Variants in CGAS observed in about 807,000 individuals in gnomAD.
The protein encoded by CGAS is cyclic GMP-AMP synthase, also known as 2'3'-cGAMP synthase.
A neutral mutation model predicts 34.0 loss-of-function variants in CGAS; 31 were observed. The ratio of observed to expected loss-of-function variants is 0.91; its 90% CI spans 0.69 to 1.23. The LOEUF (loss-of-function observed/expected upper bound fraction) is 1.23, where lower values mean the gene tolerates loss of function less well. CGAS is among the 50% of genes most tolerant of loss of function. CGAS has a pLI of 0.00. For missense variants in CGAS, 597 were observed against 657.6 expected, an observed-to-expected ratio of 0.91 and a Z score of 1.01; for synonymous variants, 266 against 260.0, an observed-to-expected ratio of 1.02 and a Z score of -0.22.
At position 73,452,290 on chromosome 6, in the gene CGAS, G is replaced by C; in HGVS notation, c.-109C>G. 1 of 1,299,236 alleles carries C rather than the reference G, an allele frequency of 7.7e-7. No homozygotes were observed. Among genetic ancestry groups the C allele is most frequent in the Non-Finnish European group, 1.0e-6 (1 of 990,244 alleles). 80.5% of individuals were successfully genotyped at this position (1,299,236 alleles called of 1,614,324 possible). On this transcript the variant is annotated 5_prime_UTR_variant, in exon 1 of 5. Coordinates refer to ENST00000370315, the MANE Select transcript of CGAS (RefSeq NM_138441.3). The stretch of plus-strand genomic sequence containing the variant: ...CCAAGCACTACTGGCGGGCACACAA[G>C]AGTCTGCGACCCGAAGGGGAACCCC...
rs774867546 is a variant in CGAS at position 73,452,100 on chromosome 6, T to A, written c.82A>T (p.Arg28Trp). The part of the protein sequence containing the change: ...TAPKASARNA[R>W]GAPMDPTESP... ...TCGGTGGGATCCATCGGGGCGCCCC[T>A]GGCATTCCGTGCGGAAGCCTTGGGG... is the stretch of plus-strand genomic sequence containing the variant. Residue 28 changes from arginine to tryptophan, a missense_variant, in exon 1 of 5, where the codon AGG becomes TGG. Physicochemically the swap from Arg to Trp is moderately radical, Grantham distance 101. Around this residue, in one of 3 missense-constraint regions of CGAS, gnomAD observed 321 missense variants for 314.3 expected, o/e 1.02. Transcript: ENST00000370315. 16 of 1,592,064 alleles carry A rather than the reference T, an allele frequency of 1.0e-5. No individual in the cohort carries two copies. In the African/African-American group the frequency reaches 2.0e-4, roughly 20 times the overall value.
chr6:73,435,847 T>A (rs1300603089), intron 3 of CGAS, among the ~76,000 whole-genome samples: 1 of 151,778 alleles, frequency 6.6e-6, no homozygotes. Context: ...ATTTTGTATG[T>A]ATATAAATTA....
chr6:73,445,424 C>T, intron 2 of CGAS, 104 bp downstream of exon 2: 1 of 724,034 alleles, frequency 1.4e-6, no homozygotes, highest in Non-Finnish European at 2.2e-6. Flanking sequence ...CTCTACTGCA[C>T]TTTTTCTTAC....
chr6:73,443,223 T>C (rs898039228), intron 2 of CGAS, among the ~76,000 whole-genome samples: 5 of 146,126 alleles, frequency 3.4e-5, no homozygotes, highest in Non-Finnish European at 7.4e-5. Flanking sequence ...TTCATTCTCT[T>C]CTTCCCAAAC....
At chr6:73,425,650 G>T in intron 4 of CGAS, 72 bp from the exon 5 acceptor site, 1 of 975,814 alleles carries the variant, frequency 1.0e-6, no homozygotes, top group Non-Finnish European at 1.5e-6. Context: ...GCATCTCATA[G>T]CAAAAATATA....
Position 73,452,204 on chromosome 6 carries a change from A to G in CGAS, c.-23T>C, listed in dbSNP as rs764103909. 1 of 1,580,370 alleles carries G rather than the reference A, an allele frequency of 6.3e-7. No individual in the cohort carries two copies. The highest frequency in any genetic ancestry group is 8.6e-7 in the Non-Finnish European group (1 of 1,167,252). ...CATGGCTGGCGCTTTCTGTTCCCCG[A>G]AAGAAGAATCCGTTTCAGGAAAAGG... On this transcript the variant is annotated 5_prime_UTR_variant, in exon 1 of 5. Coordinates refer to ENST00000370315, the MANE Select transcript of CGAS (RefSeq NM_138441.3).
intron 3 of CGAS, chr6:73,439,789 T>G (rs1394674136): frequency 6.0e-6 from 1 of 165,460 alleles, no homozygotes. Context: ...CAGAACTGCA[T>G]GCACATTTTA....
chr6:73,450,870 G>A (rs1354748787), intron 1 of CGAS, among the ~76,000 whole-genome samples: 1 of 151,404 alleles, frequency 6.6e-6, no homozygotes, highest in Non-Finnish European at 1.5e-5. Flanking sequence ...GGCGCCTGTA[G>A]TCCCAGCTAC....
intron 3 of CGAS, among the ~76,000 whole-genome samples, chr6:73,429,873 T>C (rs1770164519): frequency 6.6e-6 from 1 of 152,100 alleles, no homozygotes. Flanking sequence ...AGCTCTTTTA[T>C]GCTCTGACCA....
intron 3 of CGAS, among the ~76,000 whole-genome samples, chr6:73,431,277 C>T (rs895858520): frequency 2.6e-5 from 4 of 151,902 alleles, no homozygotes; most frequent in South Asian, 2.1e-4. Context: ...CGAGACCAGC[C>T]GGACCAACAT....
chr6:73,446,734 C>CAAA (rs1195262271), intron 1 of CGAS, among the ~76,000 whole-genome samples: 9 of 502 alleles, frequency 0.018, 3 homozygotes, highest in African/African-American at 0.051. Flanking sequence ...GACTCCGTCT[C>CAAA]AAAAAAAAAA....
chr6:73,450,824 T>C (rs956678689), intron 1 of CGAS, among the ~76,000 whole-genome samples: 1 of 151,300 alleles, frequency 6.6e-6, no homozygotes, highest in Non-Finnish European at 1.5e-5. Context: ...CCGTCTCTAC[T>C]AAAAATACAA....
chr6:73,426,545 G>GTC (rs1441920898), intron 4 of CGAS, among the ~76,000 whole-genome samples: 2 of 148,960 alleles, frequency 1.3e-5, no homozygotes, highest in Non-Finnish European at 3.0e-5. Context: ...TTGAGACAGG[G>GTC]TCTCACTCTG....
chr6:73,427,014 C>G (rs1770101388), intron 4 of CGAS, among the ~76,000 whole-genome samples: 1 of 151,892 alleles, frequency 6.6e-6, no homozygotes, highest in Non-Finnish European at 1.5e-5. Flanking sequence ...CCTCGCCCGG[C>G]TAATTTTTGC....
At chr6:73,438,547 T>C (rs1318855765) in intron 3 of CGAS, among the ~76,000 whole-genome samples, 1 of 151,888 alleles carries the variant, frequency 6.6e-6, no homozygotes, top group African/African-American at 2.4e-5. Context: ...AATACAAAAA[T>C]TAGCCTCGCG....
Position 73,452,001 on chromosome 6 carries a change from G to T in CGAS, c.181C>A (p.Gln61Lys). The change falls in exon 1 of 5, where the codon CAG becomes AAG. Residue 61 changes from glutamine (Q) to lysine (K), a missense_variant. Around this residue, in one of 3 missense-constraint regions of CGAS, gnomAD observed 321 missense variants for 314.3 expected, o/e 1.02. Transcript: ENST00000370315. ...FGPARKSGSR[Q>K]KKSAPDTQER... is the part of the protein sequence containing the mutation. The stretch of plus-strand genomic sequence containing the variant: ...TGGGTGTCCGGGGCGCTCTTTTTCT[G>T]CCGGGATCCCGACTTCCTGGCGGGG... 1 of 1,478,084 alleles carries T rather than the reference G, an allele frequency of 6.8e-7. No individual in the cohort carries two copies. The highest frequency in any genetic ancestry group is 1.4e-5 in the African/African-American group (1 of 70,036). 91.6% of individuals were successfully genotyped at this position (1,478,084 alleles called of 1,614,324 possible). A position where few individuals can be genotyped will look rare whatever the true frequency, so the allele number is the denominator to read the frequency against.
intron 4 of CGAS, among the ~76,000 whole-genome samples, chr6:73,428,284 A>C (rs1230510037): frequency 6.6e-6 from 1 of 151,962 alleles, no homozygotes; most frequent in Non-Finnish European, 1.5e-5. Context: ...CCTAGCCGTC[A>C]ACACAACCCA....
intron 2 of CGAS, among the ~76,000 whole-genome samples, chr6:73,442,597 CT>C (rs66905880): frequency 0.047 from 6,210 of 131,458 alleles, 147 homozygotes; most frequent in African/African-American, 0.081. Context: ...TTTTTTCTTT[CT>C]TTTTTTTTTT....
chr6:73,443,055 C>T (rs1293362168), intron 2 of CGAS, among the ~76,000 whole-genome samples: 2 of 151,912 alleles, frequency 1.3e-5, no homozygotes, highest in Non-Finnish European at 2.9e-5. Flanking sequence ...ATGTTATCTC[C>T]ACTGCAACCC....
Sources: allele counts gnomAD v4.1 joint callset (sites outside exome capture counted in the v4.1 genomes callset), GRCh38; gene constraint gnomAD v4.1.1; regional missense constraint gnomAD v4.1.1; transcripts MANE v1.5; gene names NCBI Gene and HGNC (gene_info 2026-07-23, HGNC 2026-07-21).